The following DDX19A variants were observed in gnomAD, a reference collection of about 807,000 sequenced individuals.
DDX19A encodes the protein DEAD-box helicase 19A.
Under a neutral mutation model 60.6 loss-of-function variants are expected in DDX19A, and 12 were observed. The ratio of observed to expected loss-of-function variants is 0.20; its 90% CI spans 0.13 to 0.32. The LOEUF (loss-of-function observed/expected upper bound fraction) is 0.32, where lower values mean the gene tolerates loss of function less well. Among genes scored for constraint, DDX19A ranks in the 10% least tolerant of loss-of-function variants. DDX19A has a pLI of 1.00. For synonymous variants in DDX19A, 206 were observed against 218.2 expected (o/e 0.94, Z 0.49); for missense variants, 337 against 600.6 (o/e 0.56, Z 4.59).
At chr16:70,351,764 G>A (rs981959320) in intron 2 of DDX19A, among the ~76,000 whole-genome samples, 28 of 151,848 alleles carry the variant, frequency 1.8e-4, no homozygotes, top group Non-Finnish European at 3.4e-4. Context: ...TCCTGACCTC[G>A]TGATCCACCC....
intron 3 of DDX19A, chr16:70,355,841 A>C (rs1330943772): frequency 5.2e-6 from 3 of 578,486 alleles, no homozygotes; most frequent in Non-Finnish European, 9.2e-6. Context: ...ACACACCTGT[A>C]CTCCCAGCTA....
chr16:70,365,982 G>A lies in DDX19A; in HGVS notation c.605-103G>A, dbSNP rs757279368. Reference sequence around the variant, plus strand: ...ACACTCATGTGTGTTTTGAAATCTGGAAATAACTTGTTCTCCTAGTCCTAG... The same window carrying A: ...ACACTCATGTGTGTTTTGAAATCTGAAAATAACTTGTTCTCCTAGTCCTAG... On this transcript the variant is annotated intron_variant, in intron 7 of 11. Coordinates refer to ENST00000302243, the MANE Select transcript of DDX19A (RefSeq NM_018332.5). The A allele has an allele frequency of 3.2e-6, 5 of 1,558,114 alleles. No homozygotes were observed. The South Asian group carries it at 5.7e-5, about 18-fold the overall frequency.
chr16:70,364,955 G>A lies in DDX19A; in HGVS notation c.490-62G>A. The A allele has an allele frequency of 4.8e-6, 6 of 1,256,020 alleles. No individual in the cohort carries two copies. The South Asian group carries it at 4.9e-5, about 10-fold the overall frequency. 77.8% of individuals were successfully genotyped at this position (1,256,020 alleles called of 1,614,324 possible). A position where few individuals can be genotyped will look rare whatever the true frequency, so the allele number is the denominator to read the frequency against. Reference sequence around the variant, plus strand: ...AGTGCTAATAACATCAGCATACTGGGTGCCTTCAGGTCTGTTACCAAATGG... The same window carrying A: ...AGTGCTAATAACATCAGCATACTGGATGCCTTCAGGTCTGTTACCAAATGG... On this transcript the variant is annotated intron_variant, in intron 6 of 11. Transcript: ENST00000302243.
At chr16:70,356,294 C>T (rs1964182485) in intron 4 of DDX19A, 47 bp downstream of exon 4, 1 of 1,604,122 alleles carries the variant, frequency 6.2e-7, no homozygotes, top group Admixed American at 1.7e-5. Context: ...AGTCTCTCCC[C>T]ACATAAAACT....
At chr16:70,361,604 G>T (rs925857290) in intron 5 of DDX19A, 94 bp downstream of exon 5, 23 of 920,060 alleles carry the variant, frequency 2.5e-5, no homozygotes, top group Non-Finnish European at 3.6e-5. Flanking sequence ...GGAGCTGTTT[G>T]GGGCCACGTG....
chr16:70,367,377 G>A (rs1369888160), intron 9 of DDX19A, among the ~76,000 whole-genome samples: 3 of 149,992 alleles, frequency 2.0e-5, no homozygotes, highest in East Asian at 4.0e-4. Flanking sequence ...GCAGTGAGCC[G>A]AGATCACACC....
chr16:70,357,362 G>GTTTTTTTTT (rs1248365917), intron 4 of DDX19A, among the ~76,000 whole-genome samples: 12 of 48,862 alleles, frequency 2.5e-4, no homozygotes, highest in African/African-American at 7.2e-4. Flanking sequence ...TCTGTTTTTG[G>GTTTTTTTTT]TTTGTTTTTT....
chr16:70,365,340 A>G (rs1043705997), intron 7 of DDX19A: 17 of 398,196 alleles, frequency 4.3e-5, no homozygotes, highest in Non-Finnish European at 7.8e-5. Context: ...ATTAAAAAAA[A>G]AAATCCACGC....
At position 70,366,843 on chromosome 16, in the gene DDX19A, A is replaced by G; in HGVS notation, c.1002A>G (p.Gln334=). 1.2e-6 allele frequency: 2 copies of G among 1,613,986 alleles called. No homozygotes were observed. The highest frequency in any genetic ancestry group is 2.2e-5 in the South Asian group (2 of 91,078). ...CNLYGAITIA[Q]AMIFCHTRKT... ...TCTACGGGGCCATCACCATTGCTCA[A>G]GCCATGATCTTCTGCCATGTGAGTA... The change falls in exon 9 of 12, where the codon CAA becomes CAG. Residue 334 remains glutamine (Q), a synonymous_variant. Transcript: ENST00000302243.
chr16:70,347,462 CAG>C (rs928877714), intron 1 of DDX19A, among the ~76,000 whole-genome samples: 1 of 152,176 alleles, frequency 6.6e-6, no homozygotes. Flanking sequence ...TGCAGAATAA[CAG>C]ATTGACTTTT....
rs1314294206 is a variant in DDX19A, at chr16:70,373,357, G to C, written c.*1371G>C. Reference sequence around the variant, plus strand: ...TTTATTTGTATTTTTCTGCTTATTAGACAAATATATACTCATTTTAAAAAG... The same window carrying C: ...TTTATTTGTATTTTTCTGCTTATTACACAAATATATACTCATTTTAAAAAG... On this transcript the variant is annotated 3_prime_UTR_variant, in exon 12 of 12. Transcript: ENST00000302243. 6.6e-6 allele frequency: 1 copy of C among 152,162 alleles called. No individual in the cohort carries two copies. 9.4% of individuals were successfully genotyped at this position (152,162 alleles called of 1,614,324 possible).
intron 2 of DDX19A, among the ~76,000 whole-genome samples, chr16:70,352,995 A>T (rs1369020157): frequency 6.6e-6 from 1 of 152,134 alleles, no homozygotes; most frequent in African/African-American, 2.4e-5. Context: ...TTCTTTTGCT[A>T]TTATAAATAA....
At chr16:70,355,371 C>T (rs527240213) in intron 2 of DDX19A, 114 bp from the exon 3 acceptor site, 21 of 830,076 alleles carry the variant, frequency 2.5e-5, no homozygotes, top group African/African-American at 1.2e-4. Context: ...AGGAAAACTC[C>T]GTCTGAAAAA....
At position 70,372,110 on chromosome 16, in the gene DDX19A, C is replaced by T. The variant is rs1231770569; in HGVS notation, c.*124C>T. On this transcript the variant is annotated 3_prime_UTR_variant, in exon 12 of 12. Transcript: ENST00000302243. ...GCAGAAGTAGAGAGAAACTACCTACCTCACTTCAAATTATGTTTGGACTTG... is the reference window on the plus strand; with the variant it reads ...GCAGAAGTAGAGAGAAACTACCTACTTCACTTCAAATTATGTTTGGACTTG... 6.9e-7 allele frequency: 1 copy of T among 1,442,612 alleles called. No individual in the cohort carries two copies. Among genetic ancestry groups the T allele is most frequent in the Admixed American group, 1.9e-5 (1 of 53,706 alleles). The allele number at this position is 1,442,612 out of a possible 1,614,324, so 89.4% of individuals were successfully genotyped here. A position where few individuals can be genotyped will look rare whatever the true frequency, so the allele number is the denominator to read the frequency against.
chr16:70,371,445 T>C lies in DDX19A; in HGVS notation c.1257T>C (p.Asn419=), dbSNP rs1597545107. Residue 419 remains asparagine (N), a synonymous_variant, in exon 11 of 12, where the codon AAT becomes AAC. Transcript: ENST00000302243. Reference sequence around the variant, plus strand: ...TGGACAAGGACGGGAATCCTGACAATGAGACCTACCTGCACCGGATCGGGC... The same window carrying C: ...TGGACAAGGACGGGAATCCTGACAACGAGACCTACCTGCACCGGATCGGGC... The part of the protein sequence containing the change: ...LPVDKDGNPD[N]ETYLHRIGRT... 1 of 1,612,854 alleles carries C rather than the reference T, an allele frequency of 6.2e-7. No individual in the cohort carries two copies. The highest frequency in any genetic ancestry group is 8.5e-7 in the Non-Finnish European group (1 of 1,179,626).
intron 2 of DDX19A, among the ~76,000 whole-genome samples, chr16:70,353,643 G>A (rs912433248): frequency 6.6e-6 from 1 of 152,132 alleles, no homozygotes; most frequent in East Asian, 1.9e-4. Flanking sequence ...GCTCATGCTT[G>A]TAATTCCAGC....
At chr16:70,355,622 C>G in intron 3 of DDX19A, 87 bp downstream of exon 3, 4 of 1,051,148 alleles carry the variant, frequency 3.8e-6, no homozygotes, top group Non-Finnish European at 5.9e-6. Context: ...GCTACAAGAT[C>G]CAGGAGATGA....
intron 7 of DDX19A, 72 bp downstream of exon 7, chr16:70,365,203 T>A (rs1597537478): frequency 2.0e-6 from 2 of 1,008,754 alleles, no homozygotes. Context: ...GAAGATGCGA[T>A]GACCGTATTC....
intron 4 of DDX19A, among the ~76,000 whole-genome samples, chr16:70,357,987 G>A (rs1964263210): frequency 6.6e-6 from 1 of 152,046 alleles, no homozygotes; most frequent in African/African-American, 2.4e-5. Context: ...TAGTTGTTAA[G>A]TAATCTTGAA....
Sources: allele counts gnomAD v4.1 joint callset (sites outside exome capture counted in the v4.1 genomes callset), GRCh38; gene constraint gnomAD v4.1.1; transcripts MANE v1.5; gene names NCBI Gene and HGNC (gene_info 2026-07-23, HGNC 2026-07-21).